NRXN3: variants seen among roughly 807,000 people sequenced by gnomAD.
NRXN3 encodes the protein neurexin 3, also known as neurexin III.
NRXN3 carries 32 observed loss-of-function variants against 137.6 expected under a neutral mutation model. The observed-to-expected ratio is 0.23, with a 90% CI of 0.18 to 0.31. The LOEUF is 0.31. Ranked by LOEUF, NRXN3 falls within the 10% of genes least tolerant of loss-of-function variation. The probability of loss-of-function intolerance (pLI) is 1.00; values close to 1 mark genes in which losing one functional copy is unlikely to be tolerated. For missense variants in NRXN3, 1,574 were observed against 2,062.5 expected (o/e 0.76, Z 4.59); for synonymous variants, 798 against 784.5 (o/e 1.02, Z -0.29).
intron 19 of NRXN3, among the ~76,000 whole-genome samples, chr14:79,728,656 T>A (rs552937427): frequency 2.0e-5 from 3 of 152,326 alleles, no homozygotes; most frequent in Admixed American, 2.0e-4. Context: ...ATGGATGTGA[T>A]AACATGGAGC....
chr14:78,741,307 T>C (rs2098569979), intron 8 of NRXN3, among the ~76,000 whole-genome samples: 1 of 152,110 alleles, frequency 6.6e-6, no homozygotes, highest in African/African-American at 2.4e-5. Context: ...TGGGGAGATA[T>C]GATGGAAGCG....
At chr14:79,151,084 G>A (rs1404909517) in intron 15 of NRXN3, among the ~76,000 whole-genome samples, 1 of 152,058 alleles carries the variant, frequency 6.6e-6, no homozygotes, top group Non-Finnish European at 1.5e-5. Flanking sequence ...CTAACTAACA[G>A]AAGACATGCA....
At chr14:78,219,473 G>A (rs1352808233) in intron 1 of NRXN3, among the ~76,000 whole-genome samples, 2 of 152,152 alleles carry the variant, frequency 1.3e-5, no homozygotes, top group Middle Eastern at 3.2e-3. Flanking sequence ...ACCAATAAAG[G>A]ACTCAGTGGA....
chr14:79,040,736 G>A (rs1265683915), intron 15 of NRXN3, among the ~76,000 whole-genome samples: 1 of 152,154 alleles, frequency 6.6e-6, no homozygotes, highest in Non-Finnish European at 1.5e-5. Flanking sequence ...AACTGATGAG[G>A]GCTGGGTGTC....
intron 6 of NRXN3, among the ~76,000 whole-genome samples, chr14:78,652,190 G>T (rs373352205): frequency 2.0e-5 from 3 of 152,288 alleles, no homozygotes; most frequent in African/African-American, 7.2e-5. Flanking sequence ...TAGTTGAGAC[G>T]GAAGAAAATT....
Position 78,983,980 on chromosome 14 carries a change from C to T in NRXN3, c.3143-4042C>T, listed in dbSNP as rs1211812232. Among the ~76,000 whole-genome samples the T allele has an allele frequency of 3.3e-5, 5 of 151,508 alleles. No individual in the cohort carries two copies. In the South Asian group the frequency reaches 6.3e-4, roughly 19 times the overall value. On this transcript the variant is annotated intron_variant, in intron 14 of 20. Transcript: ENST00000335750. ...AAGCCAGGCACAGAAAGACAGATAC[C>T]ACATGATCTCACTTATATGTGGAAT...
intron 3 of NRXN3, among the ~76,000 whole-genome samples, chr14:78,281,161 G>A (rs2074354196): frequency 6.6e-6 from 1 of 152,198 alleles, no homozygotes; most frequent in African/African-American, 2.4e-5. Context: ...TTGGGGCCCT[G>A]GACATGGCAG....
chr14:79,552,835 A>G (rs1602007383), intron 16 of NRXN3, among the ~76,000 whole-genome samples: 1 of 152,104 alleles, frequency 6.6e-6, no homozygotes, highest in East Asian at 1.9e-4. Context: ...TGGCCCTTAG[A>G]AGAATAATGG....
chr14:79,411,822 G>A (rs924102732), intron 15 of NRXN3, among the ~76,000 whole-genome samples: 27 of 152,124 alleles, frequency 1.8e-4, no homozygotes, highest in African/African-American at 6.3e-4. Context: ...TAGAGATATA[G>A]ATGTGACTAA....
chr14:79,449,430 GA>G (rs974133258), intron 15 of NRXN3, among the ~76,000 whole-genome samples: 34 of 150,280 alleles, frequency 2.3e-4, no homozygotes, highest in East Asian at 3.9e-4. Flanking sequence ...ATAGGATCTG[GA>G]AAAAAAAATG....
intron 4 of NRXN3, among the ~76,000 whole-genome samples, chr14:78,339,654 C>T (rs752717979): frequency 2.6e-4 from 40 of 152,100 alleles, no homozygotes; most frequent in Middle Eastern, 3.2e-3. Context: ...GACAGGAGCT[C>T]CCAGCTAATC....
Position 79,059,250 on chromosome 14 carries a change from C to CTTTTTTTTTTTTTTTTTTTTTTT in NRXN3, c.3262+71112_3262+71134dup, listed in dbSNP as rs869266975. On this transcript the variant is annotated intron_variant, in intron 15 of 20. Coordinates refer to ENST00000335750, the MANE Select transcript of NRXN3 (RefSeq NM_001330195.2). ...AAGAAGGCTGCCTTCAGGCCCTATT[C>CTTTTTTTTTTTTTTTTTTTTTTT]TTTTTTTTTTTTTTTTTTTTTTTTT... is the stretch of plus-strand genomic sequence containing the variant. Among the ~76,000 whole-genome samples the CTTTTTTTTTTTTTTTTTTTTTTT allele has an allele frequency of 2.6e-3, 207 of 78,244 alleles. 7 individuals are homozygous for CTTTTTTTTTTTTTTTTTTTTTTT. The highest frequency in any genetic ancestry group is 3.8e-3 in the Non-Finnish European group (153 of 40,654). The allele number at this position is 78,244 out of a possible 152,430, so 51.3% of individuals were successfully genotyped here.
At chr14:78,772,364 G>A (rs2098731168) in intron 8 of NRXN3, among the ~76,000 whole-genome samples, 1 of 151,966 alleles carries the variant, frequency 6.6e-6, no homozygotes, top group Non-Finnish European at 1.5e-5. Flanking sequence ...TTGGGAAAAA[G>A]AGGAGTCATA....
intron 2 of NRXN3, among the ~76,000 whole-genome samples, chr14:78,260,080 C>T (rs1252539518): frequency 6.6e-6 from 1 of 152,194 alleles, no homozygotes; most frequent in Non-Finnish European, 1.5e-5. Context: ...CATCCAACAA[C>T]AATGCACACT....
chr14:79,651,685 G>A (rs771280102), intron 16 of NRXN3, among the ~76,000 whole-genome samples: 1 of 152,194 alleles, frequency 6.6e-6, no homozygotes, highest in African/African-American at 2.4e-5. Context: ...CGTGTGTAAA[G>A]TTGTTTTCAG....
chr14:79,180,254 A>C (rs528016815), intron 15 of NRXN3, among the ~76,000 whole-genome samples: 1 of 152,296 alleles, frequency 6.6e-6, no homozygotes, highest in South Asian at 2.1e-4. Flanking sequence ...CATAGCAATG[A>C]AAGAAGGCCT....
intron 4 of NRXN3, among the ~76,000 whole-genome samples, chr14:78,623,490 A>G (rs1366756292): frequency 1.3e-5 from 2 of 152,220 alleles, no homozygotes; most frequent in African/African-American, 2.4e-5. Flanking sequence ...TAACCATGCT[A>G]CAGTAGATGC....
At chr14:79,751,365 C>G (rs577446941) in intron 19 of NRXN3, among the ~76,000 whole-genome samples, 2,826 of 151,904 alleles carry the variant, frequency 0.019, 14 homozygotes, top group Non-Finnish European at 0.03. Flanking sequence ...TGATTTGGCT[C>G]TCTGTTTGTC....
At chr14:79,477,675 T>C (rs2096571881) in intron 16 of NRXN3, among the ~76,000 whole-genome samples, 1 of 152,092 alleles carries the variant, frequency 6.6e-6, no homozygotes. Flanking sequence ...TTAGGGAGAT[T>C]ATTTTGGCTC....
Sources: gnomAD v4.1 joint callset for allele counts (sites outside exome capture counted in the v4.1 genomes callset) on GRCh38, gnomAD v4.1.1 for gene constraint, MANE v1.5 for transcripts, NCBI Gene and HGNC (gene_info 2026-07-23, HGNC 2026-07-21) for gene names.